ARL15: variants seen among roughly 807,000 people sequenced by gnomAD.
ARL15 encodes ADP-ribosylation factor-like protein 15.
In ARL15, 19 loss-of-function variants were observed where a neutral mutation model predicts 25.2. That is an observed-to-expected ratio of 0.75 (90% CI 0.53 to 1.10). ARL15 has a LOEUF of 1.10. Ranked by LOEUF, ARL15 falls within the 50% of genes least tolerant of loss-of-function variation. The pLI, the probability that ARL15 is intolerant of heterozygous loss-of-function variation, is 0.00. For missense variants in ARL15, 220 were observed against 246.0 expected, an observed-to-expected ratio of 0.89 and a Z score of 0.71; for synonymous variants, 94 against 86.8, an observed-to-expected ratio of 1.08 and a Z score of -0.46.
intron 1 of ARL15, among the ~76,000 whole-genome samples, chr5:54,285,792 G>C (rs1384231362): frequency 1.7e-4 from 26 of 152,156 alleles, no homozygotes; most frequent in Admixed American, 1.6e-3. Flanking sequence ...GGTTAACAAA[G>C]ATCCAGCATT....
intron 4 of ARL15, among the ~76,000 whole-genome samples, chr5:53,944,383 G>A (rs986103532): frequency 3.3e-5 from 5 of 152,144 alleles, no homozygotes; most frequent in African/African-American, 9.7e-5. Flanking sequence ...GGCCGAGGCA[G>A]GAGGATCGTT....
At chr5:53,969,367 A>C (rs1747664725) in intron 4 of ARL15, among the ~76,000 whole-genome samples, 2 of 152,194 alleles carry the variant, frequency 1.3e-5, no homozygotes, top group East Asian at 3.8e-4. Context: ...CTTTTTGGTA[A>C]CTATTCATGG....
At chr5:53,922,185 T>C (rs187712726) in intron 4 of ARL15, among the ~76,000 whole-genome samples, 2 of 152,322 alleles carry the variant, frequency 1.3e-5, no homozygotes, top group Admixed American at 6.5e-5. Flanking sequence ...GTTTCTGGTA[T>C]GGCCATCTCA....
At chr5:53,902,007 C>T (rs970798215) in intron 4 of ARL15, among the ~76,000 whole-genome samples, 1 of 152,176 alleles carries the variant, frequency 6.6e-6, no homozygotes, top group African/African-American at 2.4e-5. Context: ...TTTTTCAAAT[C>T]CAACATTTGC....
intron 4 of ARL15, among the ~76,000 whole-genome samples, chr5:54,022,138 T>C (rs1257819195): frequency 6.6e-6 from 1 of 152,020 alleles, no homozygotes; most frequent in Non-Finnish European, 1.5e-5. Flanking sequence ...AAGAAATGGC[T>C]ACAGAAAGTT....
chr5:54,075,755 G>A (rs565268453), intron 4 of ARL15, among the ~76,000 whole-genome samples: 1 of 152,294 alleles, frequency 6.6e-6, no homozygotes, highest in Non-Finnish European at 1.5e-5. Context: ...CCAAAGTGCT[G>A]GGATTACAGG....
chr5:53,997,129 AAAC>A (rs1748707057), intron 4 of ARL15, among the ~76,000 whole-genome samples: 1 of 152,226 alleles, frequency 6.6e-6, no homozygotes, highest in African/African-American at 2.4e-5. Flanking sequence ...GAACCTTGGA[AAAC>A]AACTCAACAA....
intron 4 of ARL15, among the ~76,000 whole-genome samples, chr5:54,031,560 G>C (rs1749983659): frequency 6.6e-6 from 1 of 152,204 alleles, no homozygotes; most frequent in South Asian, 2.1e-4. Context: ...GCGACCTGTT[G>C]CTTCAGTGAT....
At chr5:53,943,266 G>A (rs1284290829) in intron 4 of ARL15, among the ~76,000 whole-genome samples, 1 of 152,158 alleles carries the variant, frequency 6.6e-6, no homozygotes, top group Non-Finnish European at 1.5e-5. Flanking sequence ...AACTTCAGTA[G>A]GTGAAAGGAA....
At chr5:54,030,909 T>C (rs1047612114) in intron 4 of ARL15, among the ~76,000 whole-genome samples, 1 of 152,130 alleles carries the variant, frequency 6.6e-6, no homozygotes, top group African/African-American at 2.4e-5. Context: ...TTGAAAAGAT[T>C]AGGATGATTT....
At chr5:54,089,963 T>A (rs1752084096) in intron 4 of ARL15, among the ~76,000 whole-genome samples, 1 of 152,200 alleles carries the variant, frequency 6.6e-6, no homozygotes, top group African/African-American at 2.4e-5. Context: ...TACCATATAC[T>A]GATAAGGATA....
chr5:54,144,821 A>G (rs1439127252), intron 3 of ARL15, among the ~76,000 whole-genome samples: 1 of 152,122 alleles, frequency 6.6e-6, no homozygotes, highest in Non-Finnish European at 1.5e-5. Flanking sequence ...TAGCACCCAC[A>G]CTCAAGGATT....
At chr5:53,968,377 G>A (rs1012825057) in intron 4 of ARL15, among the ~76,000 whole-genome samples, 1 of 152,062 alleles carries the variant, frequency 6.6e-6, no homozygotes, top group South Asian at 2.1e-4. Context: ...TTAAACATTC[G>A]TGGGAGGATG....
intron 1 of ARL15, among the ~76,000 whole-genome samples, chr5:54,265,658 T>C (rs1291845626): frequency 6.6e-6 from 1 of 152,182 alleles, no homozygotes; most frequent in Non-Finnish European, 1.5e-5. Context: ...CTATTGTAGC[T>C]AAGTTTGCCA....
intron 3 of ARL15, among the ~76,000 whole-genome samples, chr5:54,151,325 C>T (rs1213858458): frequency 1.3e-5 from 2 of 152,148 alleles, no homozygotes; most frequent in African/African-American, 4.8e-5. Flanking sequence ...TCATAATTTA[C>T]CTTGTACTTC....
intron 4 of ARL15, among the ~76,000 whole-genome samples, chr5:53,902,437 T>TAA (rs1745097862): frequency 6.6e-6 from 1 of 152,242 alleles, no homozygotes; most frequent in South Asian, 2.1e-4. Flanking sequence ...AAATATCTTT[T>TAA]AAAAACAGTT....
intron 4 of ARL15, chr5:53,951,688 A>C (rs1746969541): frequency 2.6e-6 from 1 of 391,256 alleles, no homozygotes; most frequent in African/African-American, 2.2e-5. Context: ...CAGTAAATAA[A>C]TATATTGCTT....
chr5:53,927,665 T>C (rs1455516253), intron 4 of ARL15, among the ~76,000 whole-genome samples: 1 of 152,164 alleles, frequency 6.6e-6, no homozygotes, highest in Non-Finnish European at 1.5e-5. Flanking sequence ...AAAAATGGTA[T>C]GGACAAGGAG....
chr5:53,982,186 TTTTC>T (rs1748142060), intron 4 of ARL15, among the ~76,000 whole-genome samples: 1 of 127,072 alleles, frequency 7.9e-6, no homozygotes, highest in Non-Finnish European at 1.8e-5. Flanking sequence ...TTTTTTTTTC[TTTTC>T]TTTTTTTATA....
Sources: gnomAD v4.1 joint callset for allele counts (sites outside exome capture counted in the v4.1 genomes callset) on GRCh38, gnomAD v4.1.1 for gene constraint, MANE v1.5 for transcripts, NCBI Gene and HGNC (gene_info 2026-07-23, HGNC 2026-07-21) for gene names.